AFG1L: variants seen among roughly 807,000 people sequenced by gnomAD.
The protein encoded by AFG1L is AFG1-like ATPase.
AFG1L carries 53 observed loss-of-function variants against 62.2 expected under a neutral mutation model. The observed-to-expected ratio is 0.85, with a 90% confidence interval of 0.68 to 1.07. The LOEUF is 1.07. AFG1L is among the 50% of genes least tolerant of loss of function. The probability of loss-of-function intolerance (pLI) is 0.00; values close to 1 mark genes in which losing one functional copy is unlikely to be tolerated. For missense variants in AFG1L, 555 were observed against 590.5 expected, an observed-to-expected ratio of 0.94 and a Z score of 0.62; for synonymous variants, 228 against 210.3, an observed-to-expected ratio of 1.08 and a Z score of -0.73.
chr6:108,387,916 A>T (rs12213357), intron 6 of AFG1L: 25 of 147,388 alleles, frequency 1.7e-4, no homozygotes, highest in Non-Finnish European at 1.4e-4. Flanking sequence ...TTATTTATTT[A>T]TTTTTTTTTT....
chr6:108,324,024 A>G lies in AFG1L; in HGVS notation c.339A>G (p.Ile113Met). The G allele has an allele frequency of 6.2e-7, 1 of 1,611,808 alleles. No homozygotes were observed. The highest frequency in any genetic ancestry group is 8.5e-7 in the Non-Finnish European group (1 of 1,178,148). Residue 113 changes from isoleucine to methionine, a missense_variant, in exon 2 of 13, where the codon ATA becomes ATG. Ile to Met is a conservative substitution (Grantham distance 10). Coordinates refer to ENST00000368977, the MANE Select transcript of AFG1L (RefSeq NM_145315.5). ...KLHEDLKGYN[I>M]EAEGLFSKLF... The stretch of plus-strand genomic sequence containing the variant: ...ACGAGGACCTTAAAGGATACAATAT[A>G]GAGGCAGAAGGCCTTTTTTCAAAGG...
intron 1 of AFG1L, among the ~76,000 whole-genome samples, chr6:108,308,591 G>A (rs982639807): frequency 1.3e-5 from 2 of 152,098 alleles, no homozygotes; most frequent in African/African-American, 4.8e-5. Flanking sequence ...ATAGCTCACT[G>A]CAGCCTCAAA....
intron 6 of AFG1L, among the ~76,000 whole-genome samples, chr6:108,394,373 T>G (rs895695589): frequency 6.6e-6 from 1 of 152,030 alleles, no homozygotes; most frequent in Non-Finnish European, 1.5e-5. Flanking sequence ...GGTCTTGAAC[T>G]CCTGACCTCA....
chr6:108,513,508 G>A (rs980851291), intron 11 of AFG1L, among the ~76,000 whole-genome samples: 22 of 152,182 alleles, frequency 1.4e-4, no homozygotes, highest in Admixed American at 2.6e-4. Flanking sequence ...ACAGAGCCTC[G>A]CTCATTGCTA....
intron 10 of AFG1L, among the ~76,000 whole-genome samples, chr6:108,494,169 C>G (rs895387658): frequency 1.3e-5 from 2 of 151,890 alleles, no homozygotes; most frequent in African/African-American, 4.8e-5. Flanking sequence ...TGTTTCCATC[C>G]CCGCTCCCCC....
At chr6:108,452,299 T>C (rs994485314) in intron 8 of AFG1L, among the ~76,000 whole-genome samples, 4 of 152,188 alleles carry the variant, frequency 2.6e-5, no homozygotes, top group African/African-American at 9.6e-5. Context: ...TGCTGAAGGA[T>C]CCATGATATG....
At chr6:108,341,730 G>T (rs1419315780) in intron 2 of AFG1L, among the ~76,000 whole-genome samples, 3 of 152,044 alleles carry the variant, frequency 2.0e-5, no homozygotes, top group Non-Finnish European at 4.4e-5. Context: ...ATGAGCTTAT[G>T]ATCTATCTGC....
At chr6:108,483,774 T>C (rs1416645811) in intron 10 of AFG1L, among the ~76,000 whole-genome samples, 1 of 152,212 alleles carries the variant, frequency 6.6e-6, no homozygotes, top group African/African-American at 2.4e-5. Flanking sequence ...TTCTTGTTTA[T>C]TACCTTTCTT....
At chr6:108,313,376 G>A (rs573818337) in intron 1 of AFG1L, among the ~76,000 whole-genome samples, 5 of 152,156 alleles carry the variant, frequency 3.3e-5, no homozygotes, top group East Asian at 1.9e-4. Context: ...TGTGAAGATC[G>A]AATCAGTTAA....
rs185624255 is a variant in AFG1L, at chr6:108,380,041, A to G, written c.748+13709A>G. Among the ~76,000 whole-genome samples, 83 of 151,488 alleles carry G rather than the reference A, an allele frequency of 5.5e-4. No individual in the cohort carries two copies. The Middle Eastern group carries it at 0.031, about 57-fold the overall frequency. On this transcript the variant is annotated intron_variant, in intron 6 of 12. Coordinates refer to ENST00000368977, the MANE Select transcript of AFG1L (RefSeq NM_145315.5). ...GAGCAGAGAGGGCCCCCGTGCACCA[A>G]GATCTTTACACAGGAGGGGTGGGGC...
intron 2 of AFG1L, among the ~76,000 whole-genome samples, chr6:108,346,137 G>A (rs559700572): frequency 3.0e-4 from 45 of 152,260 alleles, no homozygotes; most frequent in African/African-American, 1.0e-3. Context: ...GGGCTTCACA[G>A]CATTTTTTCC....
intron 2 of AFG1L, among the ~76,000 whole-genome samples, chr6:108,330,658 A>G (rs867754228): frequency 1.4e-4 from 21 of 152,292 alleles, no homozygotes; most frequent in Middle Eastern, 3.4e-3. Flanking sequence ...ACAGCTAAGG[A>G]GAAGACAGAT....
intron 10 of AFG1L, among the ~76,000 whole-genome samples, chr6:108,490,966 G>A (rs2114851285): frequency 6.6e-6 from 1 of 152,266 alleles, no homozygotes; most frequent in South Asian, 2.1e-4. Context: ...TTATTTCCCT[G>A]ATTCTCTTTT....
intron 3 of AFG1L, among the ~76,000 whole-genome samples, chr6:108,348,238 C>G (rs1778944801): frequency 6.6e-6 from 1 of 152,094 alleles, no homozygotes; most frequent in East Asian, 1.9e-4. Context: ...GCCACCATGC[C>G]CGGCTAATTT....
chr6:108,389,290 T>C lies in AFG1L; in HGVS notation c.749-12706T>C, dbSNP rs1187689242. ...GTGTGTCTCTGCACGTGGGATGGGT[T>C]TCCTGAATACAGCACACTGATGGGT... On this transcript the variant is annotated intron_variant, in intron 6 of 12. Transcript: ENST00000368977. Among the ~76,000 whole-genome samples, 392 of 152,290 alleles carry C rather than the reference T, an allele frequency of 2.6e-3. 2 individuals are homozygous for C. The highest frequency in any genetic ancestry group is 9.1e-3 in the African/African-American group (377 of 41,550).
At chr6:108,509,987 C>T (rs1001848633) in intron 10 of AFG1L, among the ~76,000 whole-genome samples, 5 of 152,118 alleles carry the variant, frequency 3.3e-5, no homozygotes, top group African/African-American at 1.2e-4. Context: ...ACTCGTTATG[C>T]ATGGATGTGA....
intron 1 of AFG1L, among the ~76,000 whole-genome samples, chr6:108,298,050 T>G (rs1221606031): frequency 6.6e-6 from 1 of 152,000 alleles, no homozygotes; most frequent in Admixed American, 6.6e-5. Context: ...ATTATTGTCT[T>G]TATTTTATAG....
intron 10 of AFG1L, among the ~76,000 whole-genome samples, chr6:108,504,431 T>C (rs1332432836): frequency 2.6e-5 from 4 of 152,134 alleles, no homozygotes; most frequent in African/African-American, 9.7e-5. Flanking sequence ...GGTGGAGCAG[T>C]CAGAACACAC....
intron 2 of AFG1L, among the ~76,000 whole-genome samples, chr6:108,340,781 G>A (rs1778651974): frequency 6.6e-6 from 1 of 152,158 alleles, no homozygotes; most frequent in Non-Finnish European, 1.5e-5. Context: ...AAGAGGAATC[G>A]TTTTCCTTTG....
Sources: gnomAD v4.1 joint callset for allele counts (sites outside exome capture counted in the v4.1 genomes callset) on GRCh38, gnomAD v4.1.1 for gene constraint, MANE v1.5 for transcripts, NCBI Gene and HGNC (gene_info 2026-07-23, HGNC 2026-07-21) for gene names.